The following DPYD variants were observed in gnomAD, a reference collection of about 807,000 sequenced individuals.
DPYD encodes the protein dihydropyrimidine dehydrogenase [NADP(+)].
A neutral mutation model predicts 116.2 loss-of-function variants in DPYD; 109 were observed. The ratio of observed to expected loss-of-function variants is 0.94; its 90% CI spans 0.80 to 1.10. The LOEUF (loss-of-function observed/expected upper bound fraction) is 1.10, where lower values mean the gene tolerates loss of function less well. Among genes scored for constraint, DPYD ranks in the 50% least tolerant of loss-of-function variants. The pLI is 0.00. For missense variants in DPYD, 1,302 were observed against 1,254.5 expected, an observed-to-expected ratio of 1.04 and a Z score of -0.57; for synonymous variants, 440 against 432.0, an observed-to-expected ratio of 1.02 and a Z score of -0.23.
chr1:97,508,244 G>C (rs1647505044), intron 13 of DPYD, among the ~76,000 whole-genome samples: 1 of 151,970 alleles, frequency 6.6e-6, no homozygotes, highest in Admixed American at 6.6e-5. Flanking sequence ...GTTAACAAGA[G>C]CTTCTCTGAG....
chr1:97,580,917 T>G (rs1253393937), intron 10 of DPYD, among the ~76,000 whole-genome samples: 1 of 152,160 alleles, frequency 6.6e-6, no homozygotes, highest in Admixed American at 6.6e-5. Context: ...CTCCGCATTC[T>G]GTATTTGGAG....
intron 18 of DPYD, among the ~76,000 whole-genome samples, chr1:97,248,722 TA>T (rs1359140771): frequency 1.3e-5 from 2 of 152,094 alleles, no homozygotes; most frequent in Admixed American, 1.3e-4. Flanking sequence ...AGAACATCTA[TA>T]AAAAAACCTA....
chr1:97,838,971 T>C (rs957023780), intron 2 of DPYD, among the ~76,000 whole-genome samples: 6 of 152,224 alleles, frequency 3.9e-5, no homozygotes, highest in Non-Finnish European at 5.9e-5. Context: ...CTATAGGAAC[T>C]AGAATCCGTG....
intron 8 of DPYD, among the ~76,000 whole-genome samples, chr1:97,659,216 A>G (rs1175298473): frequency 1.3e-5 from 2 of 152,172 alleles, no homozygotes; most frequent in African/African-American, 4.8e-5. Flanking sequence ...TGAAGTCAAG[A>G]AAAATGTTTT....
At chr1:97,613,109 C>T (rs1343823673) in intron 8 of DPYD, among the ~76,000 whole-genome samples, 2 of 151,696 alleles carry the variant, frequency 1.3e-5, no homozygotes, top group African/African-American at 4.8e-5. Flanking sequence ...TTCCTTTTTT[C>T]TGCCCTTCCC....
intron 5 of DPYD, among the ~76,000 whole-genome samples, chr1:97,712,514 G>C (rs1279729771): frequency 6.6e-6 from 1 of 151,970 alleles, no homozygotes; most frequent in Non-Finnish European, 1.5e-5. Flanking sequence ...TTAGGATAAA[G>C]TCAGGTACCA....
At chr1:97,555,767 T>C (rs1451878364) in intron 11 of DPYD, among the ~76,000 whole-genome samples, 1 of 152,110 alleles carries the variant, frequency 6.6e-6, no homozygotes, top group Non-Finnish European at 1.5e-5. Flanking sequence ...CTCTCCCTAC[T>C]ATCAGAAGCC....
chr1:97,881,196 A>T (rs1672201899), intron 2 of DPYD, among the ~76,000 whole-genome samples: 1 of 151,992 alleles, frequency 6.6e-6, no homozygotes, highest in South Asian at 2.1e-4. Flanking sequence ...GTCTTTAAAG[A>T]GGTAATTAAG....
intron 8 of DPYD, among the ~76,000 whole-genome samples, chr1:97,598,679 T>C (rs1044666106): frequency 6.6e-6 from 1 of 151,906 alleles, no homozygotes; most frequent in Non-Finnish European, 1.5e-5. Flanking sequence ...TTACAGAAAA[T>C]TTAAATTAAC....
intron 10 of DPYD, among the ~76,000 whole-genome samples, chr1:97,575,159 T>C (rs928599524): frequency 1.3e-5 from 2 of 152,196 alleles, no homozygotes; most frequent in Admixed American, 1.3e-4. Flanking sequence ...CCTAAGGTGA[T>C]GCTATGCTTC....
chr1:97,254,502 T>A (rs1487519850), intron 18 of DPYD, among the ~76,000 whole-genome samples: 1 of 152,150 alleles, frequency 6.6e-6, no homozygotes, highest in African/African-American at 2.4e-5. Context: ...AATCACCTTA[T>A]GTACCATCAA....
intron 5 of DPYD, chr1:97,720,778 A>C (rs1301469358): frequency 8.6e-6 from 13 of 1,504,490 alleles, no homozygotes; most frequent in Non-Finnish European, 1.8e-6. Flanking sequence ...AAATCTTACT[A>C]TACCCTTCAT....
intron 3 of DPYD, among the ~76,000 whole-genome samples, chr1:97,757,058 C>G (rs1021574340): frequency 6.6e-6 from 1 of 152,052 alleles, no homozygotes; most frequent in Non-Finnish European, 1.5e-5. Context: ...AATTTGTAAG[C>G]TAACTGTATC....
chr1:97,691,104 A>C (rs1055892290), intron 7 of DPYD: 6 of 152,328 alleles, frequency 3.9e-5, no homozygotes, highest in African/African-American at 1.4e-4. Context: ...GAAGAGCTAG[A>C]ATATAATGCT....
chr1:97,339,379 A>G (rs1274085303), intron 16 of DPYD, among the ~76,000 whole-genome samples: 1 of 152,138 alleles, frequency 6.6e-6, no homozygotes, highest in Non-Finnish European at 1.5e-5. Flanking sequence ...TAATCAGGGA[A>G]AATGTCTGAC....
At chr1:97,107,918 G>C (rs959632079) in intron 20 of DPYD, among the ~76,000 whole-genome samples, 4 of 151,918 alleles carry the variant, frequency 2.6e-5, no homozygotes, top group African/African-American at 9.7e-5. Flanking sequence ...AAATTTTGAA[G>C]GGAAAATGTT....
chr1:97,671,991 C>T (rs1659896177), intron 8 of DPYD, among the ~76,000 whole-genome samples: 1 of 141,410 alleles, frequency 7.1e-6, no homozygotes, highest in Admixed American at 7.4e-5. Flanking sequence ...GTCATCCAGG[C>T]TGGAGTGCAG....
At chr1:97,463,067 T>C (rs1180417268) in intron 13 of DPYD, among the ~76,000 whole-genome samples, 5 of 152,210 alleles carry the variant, frequency 3.3e-5, no homozygotes, top group African/African-American at 1.2e-4. Context: ...CTGCTTCAAG[T>C]TGTCCTGCCT....
intron 3 of DPYD, among the ~76,000 whole-genome samples, chr1:97,824,065 G>A (rs866734316): frequency 5.7e-4 from 87 of 151,964 alleles, no homozygotes; most frequent in African/African-American, 1.6e-3. Flanking sequence ...ATAACACGCA[G>A]AAGAACTTAA....
Sources: allele counts gnomAD v4.1 joint callset (sites outside exome capture counted in the v4.1 genomes callset), GRCh38; gene constraint gnomAD v4.1.1; transcripts MANE v1.5; gene names NCBI Gene and HGNC (gene_info 2026-07-23, HGNC 2026-07-21).